CNTN4: variants seen among roughly 807,000 people sequenced by gnomAD.
CNTN4 encodes contactin 4, also known as contactin-4.
CNTN4 carries 77 observed loss-of-function variants against 122.5 expected under a neutral mutation model. The observed-to-expected ratio is 0.63, with a 90% CI of 0.52 to 0.76. The LOEUF (loss-of-function observed/expected upper bound fraction) is 0.76. Ranked by LOEUF, CNTN4 falls within the 30% of genes least tolerant of loss-of-function variation. The pLI, the probability that CNTN4 is intolerant of heterozygous loss-of-function variation, is 0.00. For synonymous variants in CNTN4, 512 were observed against 447.0 expected, an observed-to-expected ratio of 1.15 and a Z score of -1.83; for missense variants, 1,256 against 1,259.1, an observed-to-expected ratio of 1.00 and a Z score of 0.04.
intron 2 of CNTN4, among the ~76,000 whole-genome samples, chr3:2,284,437 C>A (rs1575262305): frequency 1.3e-5 from 2 of 152,056 alleles, no homozygotes; most frequent in African/African-American, 4.8e-5. Flanking sequence ...TGCCATTAAT[C>A]CTTTTAACTG....
chr3:2,851,018 C>G (rs954960642), intron 7 of CNTN4, among the ~76,000 whole-genome samples: 1 of 152,044 alleles, frequency 6.6e-6, no homozygotes, highest in Non-Finnish European at 1.5e-5. Context: ...AAACAGTTAG[C>G]CAATTTAAAG....
chr3:2,974,707 G>T (rs762873094), intron 13 of CNTN4, among the ~76,000 whole-genome samples: 18 of 152,208 alleles, frequency 1.2e-4, no homozygotes, highest in Non-Finnish European at 2.5e-4. Flanking sequence ...AGCTGTTTTA[G>T]GGACAGGGAG....
intron 15 of CNTN4, among the ~76,000 whole-genome samples, chr3:3,027,740 G>C (rs6442773): frequency 0.55 from 83,030 of 152,066 alleles, 22,997 homozygotes; most frequent in Middle Eastern, 0.63. Flanking sequence ...ACCAACCAAT[G>C]AAAACAGATG....
chr3:2,485,510 C>T (rs928333381), intron 3 of CNTN4, among the ~76,000 whole-genome samples: 10 of 151,836 alleles, frequency 6.6e-5, no homozygotes, highest in African/African-American at 2.2e-4. Context: ...CTGGTGGGGA[C>T]TTGGAGAATC....
At chr3:2,422,359 G>A (rs1270651017) in intron 3 of CNTN4, among the ~76,000 whole-genome samples, 3 of 152,292 alleles carry the variant, frequency 2.0e-5, no homozygotes, top group Non-Finnish European at 4.4e-5. Flanking sequence ...TTATAAAATG[G>A]GATGTCTGAA....
rs1022217190 is a variant in CNTN4, at chr3:3,033,098, A to G, written c.1784-1534A>G. Among the ~76,000 whole-genome samples the G allele has an allele frequency of 5.3e-5, 8 of 152,292 alleles. No homozygotes were observed. The East Asian group carries it at 1.5e-3, about 29-fold the overall frequency. On this transcript the variant is annotated intron_variant, in intron 16 of 24. Transcript: ENST00000418658. ...AGAGTTCAGAGGGAAACACTTTTCT[A>G]TTTGTGGTACTTAGATTTTAAAGGA...
intron 2 of CNTN4, among the ~76,000 whole-genome samples, chr3:2,328,357 G>A (rs1485530957): frequency 1.6e-4 from 24 of 151,128 alleles, no homozygotes; most frequent in Admixed American, 1.4e-3. Flanking sequence ...GGTGAGCCAA[G>A]ATGGCGCCAC....
At chr3:2,601,312 T>A (rs2081036076) in intron 4 of CNTN4, among the ~76,000 whole-genome samples, 1 of 152,238 alleles carries the variant, frequency 6.6e-6, no homozygotes, top group Non-Finnish European at 1.5e-5. Context: ...CTAGGTTTTC[T>A]TCTAGCATTT....
rs13067202 is a variant in CNTN4, at chr3:2,840,616, G to C, written c.454+21035G>C. Among the ~76,000 whole-genome samples the C allele has an allele frequency of 8.6e-3, 977 of 113,622 alleles. 26 individuals carry two copies. Among genetic ancestry groups the C allele is most frequent in the Non-Finnish European group, 0.011 (578 of 51,152 alleles). The allele number at this position is 113,622 out of a possible 152,430, so 74.5% of individuals were successfully genotyped here. On this transcript the variant is annotated intron_variant, in intron 7 of 24. Coordinates refer to ENST00000418658, the MANE Select transcript of CNTN4 (RefSeq NM_175607.3). ...CGGGAGGCTGAGGCGGGAGAATGGC[G>C]GGAACCCGGGAGGCGGAGCTTGCAG...
chr3:2,483,241 T>G (rs1474874698), intron 3 of CNTN4, among the ~76,000 whole-genome samples: 1 of 152,192 alleles, frequency 6.6e-6, no homozygotes, highest in East Asian at 1.9e-4. Context: ...CTATTACATT[T>G]TAGACTTGCC....
At chr3:2,770,271 G>A (rs185009302) in intron 6 of CNTN4, among the ~76,000 whole-genome samples, 5 of 152,116 alleles carry the variant, frequency 3.3e-5, no homozygotes, top group African/African-American at 4.8e-5. Flanking sequence ...CTCGTGATCC[G>A]CCTGCCTCAG....
chr3:2,401,686 G>A (rs1313866015), intron 3 of CNTN4, among the ~76,000 whole-genome samples: 4 of 152,090 alleles, frequency 2.6e-5, no homozygotes, highest in African/African-American at 9.7e-5. Flanking sequence ...AGTGAACAGT[G>A]CACATGGTTT....
intron 3 of CNTN4, among the ~76,000 whole-genome samples, chr3:2,398,490 A>G (rs890999249): frequency 1.3e-5 from 2 of 152,138 alleles, no homozygotes; most frequent in African/African-American, 2.4e-5. Context: ...TTCCAAATTT[A>G]CTTTCTGTAT....
At chr3:2,309,485 T>A (rs529413363) in intron 2 of CNTN4, among the ~76,000 whole-genome samples, 1 of 152,184 alleles carries the variant, frequency 6.6e-6, no homozygotes, top group South Asian at 2.1e-4. Context: ...TTGATGCCTG[T>A]GTTTCCTACT....
chr3:2,943,579 A>G (rs1293861833), intron 13 of CNTN4, among the ~76,000 whole-genome samples: 2 of 146,936 alleles, frequency 1.4e-5, no homozygotes, highest in Admixed American at 1.4e-4. Flanking sequence ...TTATTTTTAG[A>G]CTCCTAGGTA....
intron 7 of CNTN4, among the ~76,000 whole-genome samples, 160 bp downstream of exon 7, chr3:2,819,741 T>C (rs1483925836): frequency 6.6e-6 from 1 of 152,140 alleles, no homozygotes; most frequent in African/African-American, 2.4e-5. Flanking sequence ...CTCCCATCAT[T>C]AGGACAGGAA....
chr3:2,405,117 A>G (rs919680104), intron 3 of CNTN4, among the ~76,000 whole-genome samples: 1 of 152,066 alleles, frequency 6.6e-6, no homozygotes, highest in Non-Finnish European at 1.5e-5. Flanking sequence ...TTCTTTCCAT[A>G]TTTCTTCCCA....
At chr3:2,232,085 C>T (rs929294876) in intron 2 of CNTN4, among the ~76,000 whole-genome samples, 1 of 152,102 alleles carries the variant, frequency 6.6e-6, no homozygotes, top group Non-Finnish European at 1.5e-5. Flanking sequence ...GAATATGACT[C>T]TCTTCTGAGA....
intron 6 of CNTN4, among the ~76,000 whole-genome samples, chr3:2,775,414 C>G (rs915249017): frequency 2.0e-5 from 3 of 152,064 alleles, no homozygotes; most frequent in Admixed American, 2.0e-4. Context: ...TTTAATCTCT[C>G]TTTATTTGAT....
Sources: allele counts gnomAD v4.1 joint callset (sites outside exome capture counted in the v4.1 genomes callset), GRCh38; gene constraint gnomAD v4.1.1; transcripts MANE v1.5; gene names NCBI Gene and HGNC (gene_info 2026-07-23, HGNC 2026-07-21).